Variants in LINGO2 observed in about 807,000 individuals in gnomAD.
LINGO2 encodes leucine-rich repeat and immunoglobulin-like domain-containing nogo receptor-interacting protein 2.
A neutral mutation model predicts 30.6 loss-of-function variants in LINGO2; 14 were observed. The observed-to-expected ratio is 0.46, with a 90% confidence interval of 0.30 to 0.72. The LOEUF is 0.72. Ranked by LOEUF, LINGO2 falls within the 30% of genes least tolerant of loss-of-function variation. The pLI, the probability that LINGO2 is intolerant of heterozygous loss-of-function variation, is 0.07. For synonymous variants in LINGO2, 317 were observed against 288.5 expected, an observed-to-expected ratio of 1.10 and a Z score of -1.00; for missense variants, 729 against 751.7, an observed-to-expected ratio of 0.97 and a Z score of 0.35.
intron 1 of LINGO2, among the ~76,000 whole-genome samples, chr9:28,588,198 G>T (rs1180197789): frequency 1.3e-5 from 2 of 151,952 alleles, no homozygotes; most frequent in East Asian, 3.9e-4. Flanking sequence ...TTCTAGCATG[G>T]TGTTTCCTCC....
the LINGO2 span, among the ~76,000 whole-genome samples, chr9:28,690,586 T>C: frequency 6.6e-6 from 1 of 152,204 alleles, no homozygotes; most frequent in Non-Finnish European, 1.5e-5. Flanking sequence ...GAATAGTTTC[T>C]AGAATAGTTT....
the LINGO2 span, among the ~76,000 whole-genome samples, chr9:29,159,050 C>G: frequency 2.8e-4 from 42 of 152,270 alleles, no homozygotes; most frequent in African/African-American, 9.6e-4. Flanking sequence ...TTGTTCGACT[C>G]TGAGCTAGAG....
At chr9:28,620,280 T>C (rs575050790) in intron 1 of LINGO2, among the ~76,000 whole-genome samples, 1 of 152,264 alleles carries the variant, frequency 6.6e-6, no homozygotes, top group East Asian at 1.9e-4. Context: ...GTCTAAGTTT[T>C]AGACAAAGTG....
chr9:28,313,726 T>C (rs919514239), intron 3 of LINGO2, among the ~76,000 whole-genome samples: 1 of 152,164 alleles, frequency 6.6e-6, no homozygotes, highest in African/African-American at 2.4e-5. Context: ...CATGAAGTAA[T>C]AAATTCTTTC....
chr9:28,598,452 CA>C (rs1249831999), intron 1 of LINGO2, among the ~76,000 whole-genome samples: 2 of 136,500 alleles, frequency 1.5e-5, no homozygotes, highest in Admixed American at 7.4e-5. Flanking sequence ...AACAAACAAA[CA>C]AAAAAAACGC....
At chr9:28,511,855 C>G (rs1032909760) in intron 1 of LINGO2, among the ~76,000 whole-genome samples, 1 of 152,176 alleles carries the variant, frequency 6.6e-6, no homozygotes, top group Non-Finnish European at 1.5e-5. Flanking sequence ...TTTCCCTTCA[C>G]CACTGTCCTT....
chr9:28,622,677 A>C (rs1826459347), intron 1 of LINGO2, among the ~76,000 whole-genome samples: 2 of 151,768 alleles, frequency 1.3e-5, no homozygotes, highest in Non-Finnish European at 2.9e-5. Context: ...GACATCTCTT[A>C]GATATACAGA....
chr9:28,206,473 A>G (rs1046135988), intron 4 of LINGO2, among the ~76,000 whole-genome samples: 24 of 152,202 alleles, frequency 1.6e-4, no homozygotes, highest in Non-Finnish European at 1.8e-4. Flanking sequence ...CTCAGCCTGC[A>G]CTGTCCAAGG....
intron 5 of LINGO2, among the ~76,000 whole-genome samples, chr9:27,982,682 G>T (rs1045305506): frequency 1.3e-5 from 2 of 151,776 alleles, no homozygotes; most frequent in African/African-American, 4.8e-5. Context: ...GATTAAAGAG[G>T]TTCTTCTCTG....
intron 4 of LINGO2, among the ~76,000 whole-genome samples, chr9:28,048,506 T>G (rs1165279066): frequency 6.6e-6 from 1 of 150,902 alleles, no homozygotes; most frequent in African/African-American, 2.4e-5. Context: ...AGAAATATTG[T>G]ATTCATTGCC....
chr9:28,915,547 T>C, the LINGO2 span, among the ~76,000 whole-genome samples: 2 of 152,202 alleles, frequency 1.3e-5, no homozygotes, highest in African/African-American at 4.8e-5. Context: ...TTTCAAGTAC[T>C]TTCTGTTGGG....
At chr9:28,987,447 G>A in the LINGO2 span, among the ~76,000 whole-genome samples, 2 of 151,250 alleles carry the variant, frequency 1.3e-5, no homozygotes, top group Non-Finnish European at 3.0e-5. Flanking sequence ...TTTCACAGTT[G>A]ACTAAATAAA....
At chr9:29,054,203 TACA>T in the LINGO2 span, among the ~76,000 whole-genome samples, 10 of 152,158 alleles carry the variant, frequency 6.6e-5, no homozygotes, top group African/African-American at 9.6e-5. Flanking sequence ...AGCCCAATTG[TACA>T]ACAAAACTAA....
chr9:28,021,887 G>A (rs189834139), intron 4 of LINGO2, among the ~76,000 whole-genome samples: 1 of 152,104 alleles, frequency 6.6e-6, no homozygotes, highest in East Asian at 1.9e-4. Flanking sequence ...TCTTGCAGAT[G>A]ACATGGAGTT....
At chr9:28,736,564 G>T in the LINGO2 span, among the ~76,000 whole-genome samples, 1 of 152,134 alleles carries the variant, frequency 6.6e-6, no homozygotes, top group East Asian at 1.9e-4. Flanking sequence ...GTCGAGGCAG[G>T]CTGATCGCCT....
At chr9:27,992,668 A>G (rs984428610) in intron 5 of LINGO2, among the ~76,000 whole-genome samples, 1 of 152,128 alleles carries the variant, frequency 6.6e-6, no homozygotes, top group Non-Finnish European at 1.5e-5. Context: ...ATACATGCAT[A>G]TAGACAAACA....
At chr9:28,843,817 T>C in the LINGO2 span, among the ~76,000 whole-genome samples, 9 of 151,836 alleles carry the variant, frequency 5.9e-5, no homozygotes, top group Non-Finnish European at 1.3e-4. Flanking sequence ...TTTCCTATTG[T>C]TTCCCTGAGC....
At chr9:28,121,619 G>A (rs1020371174) in intron 4 of LINGO2, among the ~76,000 whole-genome samples, 13 of 152,064 alleles carry the variant, frequency 8.5e-5, no homozygotes, top group Admixed American at 6.6e-4. Context: ...TTGGCAGAGA[G>A]CCATAAAAGA....
At chr9:28,954,816 G>A in the LINGO2 span, among the ~76,000 whole-genome samples, 3 of 152,084 alleles carry the variant, frequency 2.0e-5, no homozygotes, top group African/African-American at 7.2e-5. Context: ...TCCTCTTTTA[G>A]GCCAGGGTGG....
Sources: allele counts gnomAD v4.1 joint callset (sites outside exome capture counted in the v4.1 genomes callset), GRCh38; gene constraint gnomAD v4.1.1; transcripts MANE v1.5; gene names NCBI Gene and HGNC (gene_info 2026-07-23, HGNC 2026-07-21).